Variants in LAMA1 observed in about 807,000 individuals in gnomAD.
LAMA1 encodes the protein laminin subunit alpha-1.
LAMA1 carries 219 observed loss-of-function variants against 348.7 expected under a neutral mutation model. The observed-to-expected ratio is 0.63, with a 90% CI of 0.56 to 0.70. LAMA1 has a LOEUF of 0.70. LAMA1 is among the 30% of genes least tolerant of loss of function. The pLI, the probability that LAMA1 is intolerant of heterozygous loss-of-function variation, is 0.00. For missense variants in LAMA1, 3,744 were observed against 3,888.0 expected (o/e 0.96, Z 0.99); for synonymous variants, 1,487 against 1,491.0 (o/e 1.00, Z 0.06).
chr18:6,986,158 A>C lies in LAMA1; in HGVS notation c.5358T>G (p.Asn1786Lys). Residue 1786 changes from asparagine to lysine, a missense_variant, in exon 37 of 63, where the codon AAT becomes AAG. By Grantham distance (94) the Asn-to-Lys change is moderately conservative (BLOSUM62 0). Transcript: ENST00000389658. ...TCACACTGAATTCTCTCAGATTAGC[A>C]TTGACCATGAGCAGCAGGTGGTTGC... Reference protein sequence around the residue: ...QESNHLLLMVNANLREFSDKK... With the variant: ...QESNHLLLMVKANLREFSDKK... The C allele has an allele frequency of 6.2e-7, 1 of 1,614,220 alleles. No homozygotes were observed. The highest frequency in any genetic ancestry group is 8.5e-7 in the Non-Finnish European group (1 of 1,180,032).
intron 41 of LAMA1, among the ~76,000 whole-genome samples, chr18:6,982,035 A>G (rs1180908772): frequency 6.6e-6 from 1 of 152,214 alleles, no homozygotes; most frequent in Non-Finnish European, 1.5e-5. Flanking sequence ...GGCTAAATCA[A>G]TTAGGATTTA....
chr18:6,978,401 C>G (rs1374744013), intron 42 of LAMA1, 23 bp from the exon 43 acceptor site: 22 of 1,600,996 alleles, frequency 1.4e-5, no homozygotes, highest in Non-Finnish European at 1.9e-5. Flanking sequence ...TATATAAAAG[C>G]ATGCACTTCT....
intron 19 of LAMA1, among the ~76,000 whole-genome samples, chr18:7,017,783 G>A (rs376041590): frequency 4.7e-4 from 72 of 152,126 alleles, no homozygotes; most frequent in Middle Eastern, 3.4e-3. Flanking sequence ...CAGTTAAAAC[G>A]TAATCTAAAT....
In LAMA1 at chr18:6,997,787, T is replaced by C. The variant is rs997290639; in HGVS notation, c.4761A>G (p.Pro1587=). 11 of 1,614,068 alleles carry C rather than the reference T, an allele frequency of 6.8e-6. No individual in the cohort carries two copies. The highest frequency in any genetic ancestry group is 2.2e-5 in the East Asian group (1 of 44,884). Residue 1587 remains proline, a synonymous_variant, in exon 33 of 63, where the codon CCA becomes CCG. Coordinates refer to ENST00000389658, the MANE Select transcript of LAMA1 (RefSeq NM_005559.4). The part of the protein sequence containing the change: ...SLNLTGIIPV[P]YGILSNLENT... ...TTTCCAGGTTTGACAAAATTCCATA[T>C]GGGACAGGGATAATGCCAGTGAGGT... is the stretch of plus-strand genomic sequence containing the variant.
chr18:7,049,182 G>T lies in LAMA1; in HGVS notation c.664C>A (p.Arg222=). ...CGTTGCAAGCGAAGGCGAATATATCGTGCAGAAGTGAATTCCAACAACTTG... is the reference window on the plus strand; with the variant it reads ...CGTTGCAAGCGAAGGCGAATATATCTTGCAGAAGTGAATTCCAACAACTTG... ...SPKLLEFTSA[R]YIRLRLQRIR... The change falls in exon 5 of 63, where the codon CGA becomes AGA. Residue 222 remains arginine (R), a synonymous_variant. Coordinates refer to ENST00000389658, the MANE Select transcript of LAMA1 (RefSeq NM_005559.4). 6.2e-7 allele frequency: 1 copy of T among 1,614,106 alleles called. No homozygotes were observed. The highest frequency in any genetic ancestry group is 1.7e-5 in the Admixed American group (1 of 60,022).
intron 24 of LAMA1, 149 bp downstream of exon 24, chr18:7,011,846 A>G: frequency 2.2e-6 from 2 of 906,912 alleles, no homozygotes; most frequent in South Asian, 3.4e-5. Context: ...CTGAGCTCTG[A>G]TTCCTGTTCT....
intron 36 of LAMA1, among the ~76,000 whole-genome samples, chr18:6,986,749 A>T (rs898008076): frequency 6.6e-6 from 1 of 152,152 alleles, no homozygotes. Flanking sequence ...CAAGTCTTGA[A>T]GCTTTCAAAG....
At chr18:7,053,841 T>C (rs114985979) in intron 3 of LAMA1, among the ~76,000 whole-genome samples, 3,607 of 150,650 alleles carry the variant, frequency 0.024, 145 homozygotes, top group African/African-American at 0.082. Flanking sequence ...TGGAGTGCAA[T>C]GGCACGATAT....
At chr18:6,989,206 G>A (rs2057748574) in intron 36 of LAMA1, among the ~76,000 whole-genome samples, 1 of 152,204 alleles carries the variant, frequency 6.6e-6, no homozygotes, top group East Asian at 1.9e-4. Context: ...CTTGCTGGGG[G>A]AGGAGTGCTC....
chr18:7,096,271 G>A (rs541099099), intron 1 of LAMA1, among the ~76,000 whole-genome samples: 1 of 152,284 alleles, frequency 6.6e-6, no homozygotes, highest in African/African-American at 2.4e-5. Flanking sequence ...TAATTACCAG[G>A]GAGAATATAG....
At chr18:7,031,871 A>G (rs1264449039) in intron 16 of LAMA1, among the ~76,000 whole-genome samples, 195 bp downstream of exon 16, 2 of 130,902 alleles carry the variant, frequency 1.5e-5, no homozygotes, top group Non-Finnish European at 3.2e-5. Context: ...TACCAAAGTA[A>G]CTTTTTTCAA....
intron 1 of LAMA1, among the ~76,000 whole-genome samples, chr18:7,106,141 G>A (rs543081334): frequency 9.9e-5 from 15 of 152,138 alleles, no homozygotes; most frequent in Non-Finnish European, 2.2e-4. Context: ...AGTCAGTTGG[G>A]ACCCGAGTAT....
intron 1 of LAMA1, among the ~76,000 whole-genome samples, chr18:7,088,654 G>A (rs530993510): frequency 2.0e-5 from 3 of 152,052 alleles, no homozygotes; most frequent in South Asian, 2.1e-4. Context: ...AGTACCTGGG[G>A]CTAGGGTGCA....
chr18:7,078,001 T>C (rs1467363870), intron 3 of LAMA1, among the ~76,000 whole-genome samples: 8 of 144,602 alleles, frequency 5.5e-5, no homozygotes, highest in Non-Finnish European at 1.2e-4. Flanking sequence ...GAGGCAGAGG[T>C]TGCAGTGAGC....
At chr18:6,977,119 A>G (rs2057686247) in intron 44 of LAMA1, among the ~76,000 whole-genome samples, 1 of 152,176 alleles carries the variant, frequency 6.6e-6, no homozygotes, top group Non-Finnish European at 1.5e-5. Context: ...ACGACTGCAC[A>G]TTCTCTCAAA....
intron 35 of LAMA1, 147 bp downstream of exon 35, chr18:6,993,494 C>A (rs1477723505): frequency 5.6e-6 from 4 of 709,886 alleles, no homozygotes; most frequent in Middle Eastern, 2.9e-4. Context: ...AAAGTTTGCA[C>A]ATCTCAGGAT....
rs541137704 is a variant in LAMA1, at chr18:6,985,202, C to A, written c.5660+35G>T. On this transcript the variant is annotated intron_variant, in intron 39 of 62. Transcript: ENST00000389658. ...ATCTATTTCTCCGATCAATAGACTG[C>A]AAGCTCTTGAGTTCCCACAAAGGCG... The A allele has an allele frequency of 3.1e-6, 5 of 1,613,318 alleles. No homozygotes were observed. The East Asian group carries it at 6.7e-5, about 22-fold the overall frequency.
Position 6,975,998 on chromosome 18 carries a change from G to C in LAMA1, c.6428C>G (p.Thr2143Arg). 6.2e-7 allele frequency: 1 copy of C among 1,614,182 alleles called. No homozygotes were observed. Among genetic ancestry groups the C allele is most frequent in the Non-Finnish European group, 8.5e-7 (1 of 1,180,022 alleles). Reference sequence around the variant, plus strand: ...GGGTTCCTGTGTCTTAACATTTAGTGTTAAGGTATTGTAGTTGGTAGAGGA... The same window carrying C: ...GGGTTCCTGTGTCTTAACATTTAGTCTTAAGGTATTGTAGTTGGTAGAGGA... ...QISSTNYNTL[T>R]LNVKTQEPDN... Residue 2143 changes from threonine (T) to arginine (R), a missense_variant, in exon 45 of 63, where the codon ACA (threonine) becomes AGA (arginine). Thr to Arg is a moderately conservative substitution (Grantham distance 71). Around this residue, in one of 3 missense-constraint regions of LAMA1, gnomAD observed 1,983 missense variants for 1,934.3 expected, o/e 1.03. Coordinates refer to ENST00000389658, the MANE Select transcript of LAMA1 (RefSeq NM_005559.4).
At chr18:6,992,944 C>T (rs924020586) in intron 35 of LAMA1, among the ~76,000 whole-genome samples, 1 of 152,234 alleles carries the variant, frequency 6.6e-6, no homozygotes, top group Non-Finnish European at 1.5e-5. Context: ...TCTTCTCATG[C>T]ACCAATAAAC....
Sources: gnomAD v4.1 joint callset for allele counts (sites outside exome capture counted in the v4.1 genomes callset) on GRCh38, gnomAD v4.1.1 for gene constraint, gnomAD v4.1.1 regional missense constraint, MANE v1.5 for transcripts, NCBI Gene and HGNC (gene_info 2026-07-23, HGNC 2026-07-21) for gene names.